Variants in B3GALNT2 observed in about 807,000 individuals in gnomAD.
B3GALNT2 encodes the protein beta-1,3-N-acetylgalactosaminyltransferase 2.
B3GALNT2 carries 53 observed loss-of-function variants against 61.1 expected under a neutral mutation model. The observed-to-expected ratio is 0.87, with a 90% confidence interval of 0.70 to 1.09. The LOEUF is 1.09. Among genes scored for constraint, B3GALNT2 ranks in the 50% least tolerant of loss-of-function variants. The pLI is 0.00. For synonymous variants in B3GALNT2, 223 were observed against 237.4 expected (o/e 0.94, Z 0.56); for missense variants, 544 against 623.0 (o/e 0.87, Z 1.35).
Position 235,461,939 on chromosome 1 carries a change from G to C in B3GALNT2, c.842-3153C>G, listed in dbSNP as rs1004601471. On this transcript the variant is annotated intron_variant, in intron 7 of 11. Transcript: ENST00000366600. ...CTGTTTCTCATGTGACTACAGTCTT[G>C]TGAGATGTTCAACCTTTATTATGGA... 5.3e-5 allele frequency among the ~76,000 whole-genome samples: 8 copies of C among 152,196 alleles called. No individual in the cohort carries two copies. The East Asian group carries it at 1.3e-3, about 26-fold the overall frequency.
At chr1:235,471,059 A>G in intron 5 of B3GALNT2, 99 bp from the exon 6 acceptor site, 1 of 1,537,658 alleles carries the variant, frequency 6.5e-7, no homozygotes, top group Non-Finnish European at 8.7e-7. Flanking sequence ...ATTTTTCCCA[A>G]AACGTATCAT....
At chr1:235,463,573 T>C (rs1384090909) in intron 7 of B3GALNT2, 1 of 142,694 alleles carries the variant, frequency 7.0e-6, no homozygotes, top group Non-Finnish European at 1.6e-5. Flanking sequence ...TTTCTTTTTT[T>C]TTTTTTTTTT....
intron 3 of B3GALNT2, among the ~76,000 whole-genome samples, chr1:235,487,465 G>A (rs1055692911): frequency 7.2e-5 from 11 of 152,126 alleles, no homozygotes; most frequent in African/African-American, 2.7e-4. Flanking sequence ...ATCCCCATGA[G>A]GGAGATTCTT....
intron 6 of B3GALNT2, among the ~76,000 whole-genome samples, chr1:235,466,453 T>G (rs1683702299): frequency 6.6e-6 from 1 of 152,134 alleles, no homozygotes; most frequent in Non-Finnish European, 1.5e-5. Context: ...GCCTTGAACA[T>G]ACAATCTTCC....
At position 235,447,433 on chromosome 1, in the gene B3GALNT2, A is replaced by ATAGTG. The variant is rs1242800179; in HGVS notation, c.*2768_*2772dup. Among the ~76,000 whole-genome samples, 2 of 152,228 alleles carry ATAGTG rather than the reference A, an allele frequency of 1.3e-5. No individual in the cohort carries two copies. The highest frequency in any genetic ancestry group is 2.9e-5 in the Non-Finnish European group (2 of 68,036). On this transcript the variant is annotated 3_prime_UTR_variant, in exon 12 of 12. Coordinates refer to ENST00000366600, the MANE Select transcript of B3GALNT2 (RefSeq NM_152490.5). Reference sequence around the variant, plus strand: ...ACAACCCGTCTTTGGAAAGAAGTTCATAGTGTATTCTGAACAAACCAAAGC... The same window carrying ATAGTG: ...ACAACCCGTCTTTGGAAAGAAGTTCATAGTGTAGTGTATTCTGAACAAACCAAAGC...
chr1:235,476,032 A>C (rs1327563742), intron 5 of B3GALNT2, among the ~76,000 whole-genome samples: 2 of 152,200 alleles, frequency 1.3e-5, no homozygotes, highest in Non-Finnish European at 2.9e-5. Context: ...AAATTAATAA[A>C]GGTAATAAAA....
intron 10 of B3GALNT2, among the ~76,000 whole-genome samples, chr1:235,453,785 A>G (rs1034137200): frequency 3.9e-5 from 6 of 152,160 alleles, no homozygotes; most frequent in South Asian, 2.1e-4. Context: ...TGAAAACATA[A>G]TAAGTAGGCT....
chr1:235,484,348 C>G lies in B3GALNT2; in HGVS notation c.529G>C (p.Val177Leu), dbSNP rs1212047688. The change falls in exon 4 of 12, where the codon GTC (valine) becomes CTC (leucine). Residue 177 changes from valine (V) to leucine (L), a missense_variant. Transcript: ENST00000366600. Reference sequence around the variant, plus strand: ...TCTTGTTCTGCCTGATAAAGTTTGACAGTGATGTTCCTCTGGAAACCCACA... The same window carrying G: ...TCTTGTTCTGCCTGATAAAGTTTGAGAGTGATGTTCCTCTGGAAACCCACA... ...NDVGFQRNIT[V>L]KLYQAEQEEA... The G allele has an allele frequency of 1.2e-6, 2 of 1,614,056 alleles. No individual in the cohort carries two copies. Among genetic ancestry groups the G allele is most frequent in the Non-Finnish European group, 1.7e-6 (2 of 1,179,998 alleles).
rs370892767 is a variant in B3GALNT2, at chr1:235,455,725, C to T, written c.1026-41G>A. On this transcript the variant is annotated intron_variant, in intron 8 of 11. Transcript: ENST00000366600. ...GGATAAGAAAGTCAGTGCGACCAAA[C>T]AAACAAACACCAATGCAGTGGCGTC... The T allele has an allele frequency of 8.9e-6, 14 of 1,565,410 alleles. No individual in the cohort carries two copies. In the African/African-American group the frequency reaches 1.8e-4, roughly 20 times the overall value.
chr1:235,460,240 A>C (rs1368890579), intron 7 of B3GALNT2, among the ~76,000 whole-genome samples: 1 of 151,544 alleles, frequency 6.6e-6, no homozygotes, highest in Non-Finnish European at 1.5e-5. Context: ...AGCCTCCCTC[A>C]TGAGTAGCTG....
At chr1:235,484,688 C>A in intron 3 of B3GALNT2, 173 bp from the exon 4 acceptor site, 1 of 1,220,862 alleles carries the variant, frequency 8.2e-7, no homozygotes, top group Non-Finnish European at 1.1e-6. Context: ...TCTATATAAA[C>A]ATTTTTGAAA....
At chr1:235,445,828 A>C (rs1454845895), downstream of B3GALNT2, among the ~76,000 whole-genome samples, 1 of 152,156 alleles carries the variant, frequency 6.6e-6, no homozygotes, top group Non-Finnish European at 1.5e-5. Context: ...TGTAATGGTA[A>C]AGATAGTAAG....
Position 235,494,821 on chromosome 1 carries a change from C to A in B3GALNT2, c.120G>T (p.Leu40Phe). ...TAGATTTCCACTGAGGAAATAAGGC[C>A]AACTGATCTAGAAATAAGAACAATA... ...CASGAGPADQ[L>F]ALFPQWKSTH... Residue 40 changes from leucine to phenylalanine, a missense_variant, in exon 2 of 12, where the codon TTG becomes TTT. Transcript: ENST00000366600. 6.2e-7 allele frequency: 1 copy of A among 1,604,848 alleles called. No individual in the cohort carries two copies. The highest frequency in any genetic ancestry group is 1.1e-5 in the South Asian group (1 of 90,518).
chr1:235,487,258 T>C (rs533276339), intron 3 of B3GALNT2, among the ~76,000 whole-genome samples: 2 of 152,220 alleles, frequency 1.3e-5, no homozygotes, highest in Non-Finnish European at 2.9e-5. Flanking sequence ...GTTAACTGAA[T>C]TCACAGACAT....
At chr1:235,442,257 G>A (rs1224695949), downstream of B3GALNT2, among the ~76,000 whole-genome samples, 1 of 152,070 alleles carries the variant, frequency 6.6e-6, no homozygotes, top group African/African-American at 2.4e-5. Flanking sequence ...CGCAACCTCC[G>A]CCTCCCGGGT....
chr1:235,488,001 G>A (rs866378665), intron 3 of B3GALNT2, among the ~76,000 whole-genome samples: 1 of 152,060 alleles, frequency 6.6e-6, no homozygotes, highest in Non-Finnish European at 1.5e-5. Context: ...GCCCAGGCTG[G>A]TTTTGTGCTC....
downstream of B3GALNT2, among the ~76,000 whole-genome samples, chr1:235,444,220 C>A (rs1040371189): frequency 6.6e-6 from 1 of 152,144 alleles, no homozygotes; most frequent in Non-Finnish European, 1.5e-5. Context: ...TTTACCACAA[C>A]GTCTCCATTT....
chr1:235,454,916 C>G (rs1683093860), intron 9 of B3GALNT2, among the ~76,000 whole-genome samples: 1 of 152,126 alleles, frequency 6.6e-6, no homozygotes, highest in African/African-American at 2.4e-5. Flanking sequence ...AATCACTAAT[C>G]CATATTGTAT....
chr1:235,475,362 C>T (rs561654898), intron 5 of B3GALNT2, among the ~76,000 whole-genome samples: 47 of 152,146 alleles, frequency 3.1e-4, no homozygotes, highest in African/African-American at 1.1e-3. Context: ...TTGTGACGCC[C>T]ACTGAGATTT....
Sources: allele counts gnomAD v4.1 joint callset (sites outside exome capture counted in the v4.1 genomes callset), GRCh38; gene constraint gnomAD v4.1.1; transcripts MANE v1.5; gene names NCBI Gene and HGNC (gene_info 2026-07-23, HGNC 2026-07-21).